Variants in SNED1 observed in about 807,000 individuals in gnomAD.
The protein encoded by SNED1 is sushi, nidogen and EGF-like domain-containing protein 1.
A neutral mutation model predicts 166.7 loss-of-function variants in SNED1; 81 were observed. The ratio of observed to expected loss-of-function variants is 0.49; its 90% CI spans 0.41 to 0.58. The LOEUF is 0.58. Ranked by LOEUF, SNED1 falls within the 20% of genes least tolerant of loss-of-function variation. The probability of loss-of-function intolerance (pLI) is 0.00; values close to 1 mark genes in which losing one functional copy is unlikely to be tolerated. For synonymous variants in SNED1, 762 were observed against 822.0 expected, an observed-to-expected ratio of 0.93 and a Z score of 1.25; for missense variants, 1,604 against 2,000.2, an observed-to-expected ratio of 0.80 and a Z score of 3.78.
intron 1 of SNED1, 120 bp from the exon 2 acceptor site, chr2:241,030,164 C>A (rs2061122186): frequency 8.3e-6 from 8 of 968,224 alleles, no homozygotes; most frequent in Non-Finnish European, 1.2e-5. Context: ...CTGGGGATAC[C>A]CTGCCCAGGA....
Position 241,083,161 on chromosome 2 carries a change from G to C in SNED1, c.4121+797G>C, listed in dbSNP as rs567237123. ...GACGAGACCAGGAGAGCCTGCTGGG[G>C]ATGGGCAGGGCTGGTGCAGCAAGAG... On this transcript the variant is annotated intron_variant, in intron 29 of 31. Transcript: ENST00000310397. Among the ~76,000 whole-genome samples the C allele has an allele frequency of 1.2e-3, 184 of 152,342 alleles. 2 individuals carry two copies. Among genetic ancestry groups the C allele is most frequent in the African/African-American group, 4.4e-3 (184 of 41,584 alleles).
chr2:241,008,599 T>C (rs2060292917), intron 1 of SNED1, among the ~76,000 whole-genome samples: 1 of 152,200 alleles, frequency 6.6e-6, no homozygotes, highest in South Asian at 2.1e-4. Context: ...CCATACATCA[T>C]CTACGGGGAC....
intron 1 of SNED1, among the ~76,000 whole-genome samples, chr2:241,011,113 GGTCTCCTGGGGGTGGC>G (rs2060380688): frequency 2.8e-5 from 4 of 145,154 alleles, no homozygotes; most frequent in African/African-American, 1.0e-4. Flanking sequence ...AGGTCTCCTG[GGTCTCCTGGGGGTGGC>G]AGGTCTCCTG....
At chr2:241,015,649 G>A (rs1344739649) in intron 1 of SNED1, 1 of 170,814 alleles carries the variant, frequency 5.9e-6, no homozygotes, top group Admixed American at 6.5e-5. Flanking sequence ...GGTGGTGTTG[G>A]TGCCTGTGCT....
At chr2:241,011,750 C>T (rs904802142) in intron 1 of SNED1, among the ~76,000 whole-genome samples, 1 of 152,202 alleles carries the variant, frequency 6.6e-6, no homozygotes, top group East Asian at 1.9e-4. Flanking sequence ...TGCCCTGCTT[C>T]TAGCTCCTGG....
At chr2:241,082,807 G>T (rs1354611183) in intron 29 of SNED1, among the ~76,000 whole-genome samples, 1 of 152,246 alleles carries the variant, frequency 6.6e-6, no homozygotes, top group Non-Finnish European at 1.5e-5. Context: ...GGCTGTGGAG[G>T]GAGAGATGCC....
At position 241,063,279 on chromosome 2, in the gene SNED1, G is replaced by C. The variant is rs114381574; in HGVS notation, c.2372-308G>C. The stretch of plus-strand genomic sequence containing the variant: ...CGCTAGGGCTCTAAGCCTGAGAAAC[G>C]CAGGCTCCAGGGAGGGCAAGGCCCA... On this transcript the variant is annotated intron_variant, in intron 17 of 31. Coordinates refer to ENST00000310397, the MANE Select transcript of SNED1 (RefSeq NM_001080437.3). 9 of 494,328 alleles carry C rather than the reference G, an allele frequency of 1.8e-5. 1 individual carries two copies. The East Asian group carries it at 3.4e-4, about 19-fold the overall frequency. 30.6% of individuals were successfully genotyped at this position (494,328 alleles called of 1,614,324 possible). A position where few individuals can be genotyped will look rare whatever the true frequency, so the allele number is the denominator to read the frequency against.
rs567320251 is a variant in SNED1, at chr2:241,064,701, C to T, written c.2600-143C>T. On this transcript the variant is annotated intron_variant, in intron 19 of 31. Transcript: ENST00000310397. This position sits in a 1 kb window ranked among gnomAD's most constrained non-coding sequence, Gnocchi z 7.0. ...CGCAGGGCAGTGGAGGTGGCAGAAC[C>T]GAAGGGAGGCAGTAGCTGTCCTGTG... The T allele has an allele frequency of 8.3e-6, 5 of 601,038 alleles. No homozygotes were observed. Among genetic ancestry groups the T allele is most frequent in the Non-Finnish European group, 1.4e-5 (5 of 350,526 alleles). 37.2% of individuals were successfully genotyped at this position (601,038 alleles called of 1,614,324 possible). A position where few individuals can be genotyped will look rare whatever the true frequency, so the allele number is the denominator to read the frequency against.
At position 241,092,479 on chromosome 2, in the gene SNED1, C is replaced by T. The variant is rs942018913; in HGVS notation, c.*843C>T. The stretch of plus-strand genomic sequence containing the variant: ...TGGGCCTTATTTGGTGAACCCTGTT[C>T]TATGAGATCACCTAGGCTTCAGCCT... On this transcript the variant is annotated 3_prime_UTR_variant, in exon 32 of 32. Coordinates refer to ENST00000310397, the MANE Select transcript of SNED1 (RefSeq NM_001080437.3). The surrounding 1 kb of genome is among the most constrained non-coding windows in gnomAD (Gnocchi z 4.6). 2.0e-5 allele frequency: 3 copies of T among 152,176 alleles called. No individual in the cohort carries two copies. The highest frequency in any genetic ancestry group is 1.3e-4 in the Admixed American group (2 of 15,278). The allele number at this position is 152,176 out of a possible 1,614,324, so 9.4% of individuals were successfully genotyped here.
rs764719467 is a variant in SNED1 at position 241,070,098 on chromosome 2, C to A, written c.3486C>A (p.Arg1162=). The A allele has an allele frequency of 6.2e-7, 1 of 1,612,896 alleles. No homozygotes were observed. The highest frequency in any genetic ancestry group is 8.5e-7 in the Non-Finnish European group (1 of 1,179,882). The change falls in exon 24 of 32, where the codon CGC becomes CGA. Residue 1162 remains arginine, a synonymous_variant. Coordinates refer to ENST00000310397, the MANE Select transcript of SNED1 (RefSeq NM_001080437.3). Reference sequence around the variant, plus strand: ...GGAAGCTGGCGTCCTACACGGTGCGCGACCTGCTGCCGGGACGGCGGTACC... The same window carrying A: ...GGAAGCTGGCGTCCTACACGGTGCGAGACCTGCTGCCGGGACGGCGGTACC... ...PNGKLASYTV[R]DLLPGRRYQL... is the part of the protein sequence containing the mutation.
Position 241,051,589 on chromosome 2 carries a change from C to T in SNED1, c.1736-155C>T, listed in dbSNP as rs1420522085. 1.4e-5 allele frequency: 8 copies of T among 564,478 alleles called. No homozygotes were observed. The highest frequency in any genetic ancestry group is 2.8e-5 in the South Asian group (1 of 36,166). The allele number at this position is 564,478 out of a possible 1,614,324, so 35.0% of individuals were successfully genotyped here. On this transcript the variant is annotated intron_variant, in intron 12 of 31. Coordinates refer to ENST00000310397, the MANE Select transcript of SNED1 (RefSeq NM_001080437.3). This position sits in a 1 kb window ranked among gnomAD's most constrained non-coding sequence, Gnocchi z 4.7. ...CCCACCCCAGCCCCCACCATGTGTG[C>T]GGACCTGCTTGGCCCCTGCTGCAGC...
chr2:241,036,305 C>T (rs908053402), intron 4 of SNED1, among the ~76,000 whole-genome samples: 1 of 151,962 alleles, frequency 6.6e-6, no homozygotes, highest in Admixed American at 6.5e-5. Flanking sequence ...TCCGGGCTCA[C>T]GGGGCGGGGA....
At chr2:241,065,955 G>GT (rs1393468065) in intron 21 of SNED1, among the ~76,000 whole-genome samples, 2 of 151,104 alleles carry the variant, frequency 1.3e-5, no homozygotes, top group Non-Finnish European at 2.9e-5. Context: ...GGGTGGGCTT[G>GT]GGGGGGCTGG....
intron 29 of SNED1, among the ~76,000 whole-genome samples, chr2:241,084,381 T>C (rs571114257): frequency 9.7e-4 from 148 of 152,272 alleles, no homozygotes; most frequent in African/African-American, 3.4e-3. Context: ...CTCAAACTCA[T>C]GACCTCAGGT....
In SNED1 at chr2:241,018,462, G is replaced by A. The variant is rs556581495; in HGVS notation, c.214-11822G>A. On this transcript the variant is annotated intron_variant, in intron 1 of 31. Transcript: ENST00000310397. The surrounding 1 kb of genome is among the most constrained non-coding windows in gnomAD (Gnocchi z 5.4). The stretch of plus-strand genomic sequence containing the variant: ...TGGATTTAAGGGGCAAAGAACATTC[G>A]TTGTTCACTCAGCCCCCTGCACGTC... 3.9e-5 allele frequency among the ~76,000 whole-genome samples: 6 copies of A among 152,268 alleles called. No individual in the cohort carries two copies. Among genetic ancestry groups the A allele is most frequent in the East Asian group, 3.9e-4 (2 of 5,160 alleles).
At chr2:241,006,973 G>A (rs184850554) in intron 1 of SNED1, among the ~76,000 whole-genome samples, 60 of 152,290 alleles carry the variant, frequency 3.9e-4, no homozygotes, top group African/African-American at 1.4e-3. Flanking sequence ...CAGTGTTTGG[G>A]ACAATTGGAG....
At chr2:241,012,172 C>T (rs1276960131) in intron 1 of SNED1, among the ~76,000 whole-genome samples, 1 of 152,220 alleles carries the variant, frequency 6.6e-6, no homozygotes, top group African/African-American at 2.4e-5. Flanking sequence ...AGGTCCCCCA[C>T]ACCAGGCAGG....
Position 241,064,387 on chromosome 2 carries a change from G to C in SNED1, c.2599+262G>C, listed in dbSNP as rs1426346955. 6.6e-6 allele frequency among the ~76,000 whole-genome samples: 1 copy of C among 152,108 alleles called. No individual in the cohort carries two copies. Among genetic ancestry groups the C allele is most frequent in the Admixed American group, 6.5e-5 (1 of 15,272 alleles). ...CCTCTTCACCCGAGGACACACCCAGGGGTGGGGCCTCACGTCCACACATAG... is the reference window on the plus strand; with the variant it reads ...CCTCTTCACCCGAGGACACACCCAGCGGTGGGGCCTCACGTCCACACATAG... On this transcript the variant is annotated intron_variant, in intron 19 of 31. Transcript: ENST00000310397. This position sits in a 1 kb window ranked among gnomAD's most constrained non-coding sequence, Gnocchi z 7.0.
At chr2:241,007,679 C>T (rs750817022) in intron 1 of SNED1, among the ~76,000 whole-genome samples, 27 of 152,180 alleles carry the variant, frequency 1.8e-4, no homozygotes, top group Admixed American at 3.3e-4. Flanking sequence ...AAACAGACTT[C>T]GGGTTACCAT....
Sources: allele counts gnomAD v4.1 joint callset (sites outside exome capture counted in the v4.1 genomes callset), GRCh38; gene constraint gnomAD v4.1.1; non-coding constraint Gnocchi (gnomAD v3.1); transcripts MANE v1.5; gene names NCBI Gene and HGNC (gene_info 2026-07-23, HGNC 2026-07-21).